Variants in CAST observed in about 807,000 individuals in gnomAD.
The protein encoded by CAST is MIR583 host.
CAST carries 76 observed loss-of-function variants against 119.6 expected under a neutral mutation model. That is an observed-to-expected ratio of 0.64 (90% CI 0.53 to 0.77). The LOEUF (loss-of-function observed/expected upper bound fraction) is 0.77, where lower values mean the gene tolerates loss of function less well. CAST is among the 30% of genes least tolerant of loss of function. CAST has a pLI of 0.00. For missense variants in CAST, 953 were observed against 946.5 expected (o/e 1.01, Z -0.09); for synonymous variants, 319 against 331.6 (o/e 0.96, Z 0.41).
upstream of CAST, among the ~76,000 whole-genome samples, chr5:96,661,917 C>A (rs1748554334): frequency 6.6e-6 from 1 of 152,254 alleles, no homozygotes; most frequent in African/African-American, 2.4e-5. Flanking sequence ...CTAGACTGTC[C>A]AGGCTTGGGC....
At chr5:96,741,432 C>A in intron 14 of CAST, 62 bp from the exon 15 acceptor site, 1 of 1,469,338 alleles carries the variant, frequency 6.8e-7, no homozygotes, top group Non-Finnish European at 9.5e-7. Context: ...CTTTTTAGTT[C>A]AGGCTATTAC....
At chr5:96,728,725 C>T (rs1467259874) in intron 6 of CAST, 1 of 156,516 alleles carries the variant, frequency 6.4e-6, no homozygotes, top group Non-Finnish European at 1.4e-5. Flanking sequence ...GATACGCCCG[C>T]CTCGGCCTCC....
the CAST span, among the ~76,000 whole-genome samples, chr5:96,103,542 A>G: frequency 1.3e-5 from 2 of 150,000 alleles, no homozygotes; most frequent in Non-Finnish European, 3.0e-5. Flanking sequence ...ATCATTTTTT[A>G]TGGCTGCATA....
At chr5:95,974,002 C>T in the CAST span, among the ~76,000 whole-genome samples, 20 of 122,606 alleles carry the variant, frequency 1.6e-4, no homozygotes, top group African/African-American at 5.6e-4. Flanking sequence ...AAAATTTGCA[C>T]GCACACACAC....
chr5:96,658,990 T>C (rs1270396396), upstream of CAST, among the ~76,000 whole-genome samples: 1 of 152,252 alleles, frequency 6.6e-6, no homozygotes, highest in Non-Finnish European at 1.5e-5. Context: ...TATTTCTTTA[T>C]AGGATTCTCT....
rs549031600 is a variant in CAST, at chr5:96,535,738, T to A, written c.60+5858T>A. Reference sequence around the variant, plus strand: ...ACAGGCGCCCGCCACCAAGCCCGGCTAATTTTTTGTATTTTTGGTAGAGAC... The same window carrying A: ...ACAGGCGCCCGCCACCAAGCCCGGCAAATTTTTTGTATTTTTGGTAGAGAC... On this transcript the variant is annotated intron_variant, in intron 1 of 11. Transcript: ENST00000505143. 5.3e-3 allele frequency among the ~76,000 whole-genome samples: 807 copies of A among 151,764 alleles called. 3 individuals carry two copies. The highest frequency in any genetic ancestry group is 8.0e-3 in the Non-Finnish European group (546 of 67,898).
chr5:96,307,273 C>A, the CAST span, among the ~76,000 whole-genome samples: 1 of 151,954 alleles, frequency 6.6e-6, no homozygotes, highest in Non-Finnish European at 1.5e-5. Flanking sequence ...GGATTGTGAC[C>A]CCTGCTCTTT....
chr5:96,290,900 T>TG, the CAST span, among the ~76,000 whole-genome samples: 1 of 152,134 alleles, frequency 6.6e-6, no homozygotes, highest in South Asian at 2.1e-4. Flanking sequence ...TATAGGACCT[T>TG]GGGGGAAATG....
At chr5:96,405,718 T>C in the CAST span, among the ~76,000 whole-genome samples, 2 of 152,222 alleles carry the variant, frequency 1.3e-5, no homozygotes, top group African/African-American at 4.8e-5. Context: ...AGGATCATTT[T>C]CCACTATACA....
At chr5:96,599,975 A>AAAAAAAAGAAAAAG (rs1561426822) in intron 1 of CAST, among the ~76,000 whole-genome samples, 1 of 140,590 alleles carries the variant, frequency 7.1e-6, no homozygotes, top group African/African-American at 2.8e-5. Context: ...GCAAAAAAAA[A>AAAAAAAAGAAAAAG]AAAAAAAACC....
chr5:96,754,295 C>T (rs986019301), intron 21 of CAST, 134 bp downstream of exon 21: 4 of 680,928 alleles, frequency 5.9e-6, no homozygotes, highest in African/African-American at 1.8e-5. Flanking sequence ...TATTATTGTG[C>T]ATATCCTGTT....
rs564781746 is a variant in CAST at position 96,603,405 on chromosome 5, TA to T, written c.61-72132del. On this transcript the variant is annotated intron_variant, in intron 1 of 11. Coordinates refer to the CAST transcript ENST00000505143. ...TCTATTTTTAAATTTTTAATTTTTTTAACCTTTTAAAAGCTTTTTTGTTAAA... is the reference window on the plus strand; with the variant it reads ...TCTATTTTTAAATTTTTAATTTTTTTACCTTTTAAAAGCTTTTTTGTTAAA... Among the ~76,000 whole-genome samples the T allele has an allele frequency of 3.6e-3, 547 of 152,320 alleles. 5 individuals are homozygous for T. The highest frequency in any genetic ancestry group is 0.013 in the African/African-American group (521 of 41,576).
rs1357060425 is a variant in CAST, at chr5:96,631,605, G to T, written c.61-43934G>T. Among the ~76,000 whole-genome samples the T allele has an allele frequency of 2.0e-4, 27 of 135,172 alleles. 2 individuals are homozygous for T. Among genetic ancestry groups the T allele is most frequent in the African/African-American group, 7.1e-4 (27 of 38,252 alleles). 88.7% of individuals were successfully genotyped at this position (135,172 alleles called of 152,430 possible). A position where few individuals can be genotyped will look rare whatever the true frequency, so the allele number is the denominator to read the frequency against. On this transcript the variant is annotated intron_variant, in intron 1 of 11. Transcript: ENST00000505143. ...AATACTTTTTTTTTTTTTTGAGACG[G>T]AGTCTTGCTCTGTCTCCCAGGCTGG...
chr5:96,615,229 T>C (rs1185818263), intron 1 of CAST, among the ~76,000 whole-genome samples: 1 of 152,232 alleles, frequency 6.6e-6, no homozygotes, highest in Non-Finnish European at 1.5e-5. Flanking sequence ...GGCTAAACTA[T>C]GATGTTCAGC....
chr5:95,993,866 G>A, the CAST span, among the ~76,000 whole-genome samples: 5 of 151,882 alleles, frequency 3.3e-5, no homozygotes, highest in African/African-American at 9.7e-5. Context: ...ACATGAAAAG[G>A]TACTCAACAT....
At chr5:96,275,873 C>T in the CAST span, among the ~76,000 whole-genome samples, 4 of 152,110 alleles carry the variant, frequency 2.6e-5, no homozygotes, top group Admixed American at 6.5e-5. Flanking sequence ...CAAATGTTTT[C>T]GAGGAGATTT....
At chr5:96,067,753 T>A in the CAST span, among the ~76,000 whole-genome samples, 64 of 152,302 alleles carry the variant, frequency 4.2e-4, no homozygotes, top group African/African-American at 1.5e-3. Context: ...AGGTTTAGAT[T>A]TGACTCCCTT....
chr5:96,624,184 C>G (rs1292073240), intron 1 of CAST, among the ~76,000 whole-genome samples: 1 of 152,210 alleles, frequency 6.6e-6, no homozygotes, highest in Non-Finnish European at 1.5e-5. Flanking sequence ...TTCAAGGGAA[C>G]AGTGTTCTGA....
chr5:96,241,498 A>G, the CAST span, among the ~76,000 whole-genome samples: 1 of 150,216 alleles, frequency 6.7e-6, no homozygotes, highest in Non-Finnish European at 1.5e-5. Context: ...AGTCTTTGCT[A>G]TTGTGAATAA....
Sources: gnomAD v4.1 joint callset for allele counts (sites outside exome capture counted in the v4.1 genomes callset) on GRCh38, gnomAD v4.1.1 for gene constraint, MANE v1.5 for transcripts, NCBI Gene and HGNC (gene_info 2026-07-23, HGNC 2026-07-21) for gene names.